CCDC192: variants seen among roughly 807,000 people sequenced by gnomAD.
The protein encoded by CCDC192 is coiled-coil domain-containing protein 192.
chr5:127,833,356 C>T (rs1230271494), intron 5 of CCDC192, among the ~76,000 whole-genome samples: 1 of 152,074 alleles, frequency 6.6e-6, no homozygotes, highest in Non-Finnish European at 1.5e-5. Context: ...GTCCTATTGT[C>T]CAATGGTGGG....
chr5:127,763,851 A>G (rs1755064920), intron 3 of CCDC192, among the ~76,000 whole-genome samples: 1 of 152,098 alleles, frequency 6.6e-6, no homozygotes, highest in Non-Finnish European at 1.5e-5. Flanking sequence ...ACTTCCTCTT[A>G]TCGCCTTACT....
intron 3 of CCDC192, among the ~76,000 whole-genome samples, chr5:127,791,491 A>G (rs1756864851): frequency 6.6e-6 from 1 of 152,270 alleles, no homozygotes. Context: ...AACTGTCAGA[A>G]TCAATCATTT....
chr5:127,894,437 C>T (rs1191324696), intron 6 of CCDC192, among the ~76,000 whole-genome samples: 2 of 151,978 alleles, frequency 1.3e-5, no homozygotes, highest in African/African-American at 2.4e-5. Flanking sequence ...GTGATCCACC[C>T]GCCTCGGCCT....
intron 3 of CCDC192, among the ~76,000 whole-genome samples, chr5:127,757,353 G>A (rs191244012): frequency 1.1e-4 from 16 of 152,268 alleles, no homozygotes; most frequent in African/African-American, 3.9e-4. Context: ...ATGTGTAAAA[G>A]CACATTGCAG....
intron 5 of CCDC192, among the ~76,000 whole-genome samples, chr5:127,855,312 T>C (rs923555103): frequency 6.6e-6 from 1 of 152,236 alleles, no homozygotes; most frequent in Non-Finnish European, 1.5e-5. Flanking sequence ...GTTCACAAAA[T>C]CTTTCTCATC....
chr5:127,765,009 C>G (rs756918573), intron 3 of CCDC192, among the ~76,000 whole-genome samples: 2 of 152,080 alleles, frequency 1.3e-5, no homozygotes, highest in Non-Finnish European at 2.9e-5. Flanking sequence ...GGAGTTACAC[C>G]AATGCAAATC....
intron 6 of CCDC192, among the ~76,000 whole-genome samples, chr5:127,930,927 C>T (rs565575794): frequency 6.6e-6 from 1 of 152,346 alleles, no homozygotes; most frequent in East Asian, 1.9e-4. Flanking sequence ...TGCTTTTCCG[C>T]ACAAACGACC....
At chr5:127,913,502 G>A (rs9327455) in intron 6 of CCDC192, among the ~76,000 whole-genome samples, 31,389 of 152,084 alleles carry the variant, frequency 0.21, 3,406 homozygotes, top group East Asian at 0.34. Context: ...TACCTAGACC[G>A]CTGCTTTTTA....
intron 5 of CCDC192, among the ~76,000 whole-genome samples, chr5:127,865,429 G>C (rs1032553467): frequency 2.6e-5 from 4 of 151,912 alleles, no homozygotes; most frequent in African/African-American, 9.7e-5. Context: ...AGCTGTAGCA[G>C]ACTATTGCTA....
chr5:127,888,012 A>G (rs548988120), intron 6 of CCDC192, among the ~76,000 whole-genome samples: 15 of 152,048 alleles, frequency 9.9e-5, no homozygotes, highest in African/African-American at 3.6e-4. Context: ...CTTATTTACT[A>G]TTTTTTAAAG....
At chr5:127,823,792 G>T (rs920030726) in intron 5 of CCDC192, among the ~76,000 whole-genome samples, 3 of 152,128 alleles carry the variant, frequency 2.0e-5, no homozygotes, top group Non-Finnish European at 4.4e-5. Context: ...CTCTACAATC[G>T]TGTTTCAGAA....
intron 5 of CCDC192, among the ~76,000 whole-genome samples, chr5:127,826,347 C>T (rs1397193087): frequency 2.6e-5 from 4 of 152,112 alleles, no homozygotes; most frequent in African/African-American, 9.7e-5. Context: ...AATGTAAATT[C>T]ATTCGGCCTC....
intron 6 of CCDC192, among the ~76,000 whole-genome samples, chr5:127,917,611 G>A (rs898498867): frequency 6.6e-6 from 1 of 152,176 alleles, no homozygotes; most frequent in Non-Finnish European, 1.5e-5. Flanking sequence ...GAGGGAGAAA[G>A]ATGGGGAAAT....
At position 127,897,164 on chromosome 5, in the gene CCDC192, T is replaced by C. The variant is rs142311390; in HGVS notation, c.535+21503T>C. On this transcript the variant is annotated intron_variant, in intron 6 of 6. Transcript: ENST00000514853. ...AGCTACACAGTAGTCTCCTCACATA[T>C]GACTATTATTTGATTCCATCTAACG... Among the ~76,000 whole-genome samples, 883 of 151,932 alleles carry C rather than the reference T, an allele frequency of 5.8e-3. 6 individuals are homozygous for C. The highest frequency in any genetic ancestry group is 0.044 in the Middle Eastern group (13 of 294).
At chr5:127,878,331 C>G (rs955071128) in intron 6 of CCDC192, among the ~76,000 whole-genome samples, 1 of 152,206 alleles carries the variant, frequency 6.6e-6, no homozygotes, top group Non-Finnish European at 1.5e-5. Flanking sequence ...TAAGGTTGAA[C>G]AAACTGTGGT....
At chr5:127,932,990 G>A (rs1754083020) in intron 6 of CCDC192, among the ~76,000 whole-genome samples, 1 of 152,212 alleles carries the variant, frequency 6.6e-6, no homozygotes, top group Admixed American at 6.5e-5. Context: ...GGAACTGAGA[G>A]AGCTAGCCAT....
At chr5:127,702,646 G>A (rs1750753599), upstream of CCDC192, among the ~76,000 whole-genome samples, 2 of 152,156 alleles carry the variant, frequency 1.3e-5, no homozygotes, top group Non-Finnish European at 1.5e-5. Flanking sequence ...AGGATGAGCC[G>A]TGTGACTAGA....
intron 2 of CCDC192, among the ~76,000 whole-genome samples, chr5:127,716,397 T>C (rs1751624486): frequency 6.6e-6 from 1 of 152,216 alleles, no homozygotes; most frequent in Admixed American, 6.5e-5. Context: ...TAATGCTCAC[T>C]TCATAGACTG....
chr5:127,800,706 G>A (rs1176162793), intron 5 of CCDC192, among the ~76,000 whole-genome samples: 2 of 151,934 alleles, frequency 1.3e-5, no homozygotes, highest in Admixed American at 6.6e-5. Context: ...TTCTCTATTC[G>A]TATCCCCCAG....
Sources: allele counts gnomAD v4.1 joint callset (sites outside exome capture counted in the v4.1 genomes callset), GRCh38; gene constraint gnomAD v4.1.1; transcripts MANE v1.5; gene names NCBI Gene and HGNC (gene_info 2026-07-23, HGNC 2026-07-21).